Variants in ARHGAP35 observed in about 807,000 individuals in gnomAD.
ARHGAP35 encodes the protein Rho GTPase activating protein 35, also known as rho GTPase-activating protein 35.
Under a neutral mutation model 111.1 loss-of-function variants are expected in ARHGAP35, and 15 were observed. That is an observed-to-expected ratio of 0.13 (90% CI 0.09 to 0.21). ARHGAP35 has a LOEUF of 0.21. Ranked by LOEUF, ARHGAP35 falls within the 10% of genes least tolerant of loss-of-function variation. The pLI is 1.00. For missense variants in ARHGAP35, 1,262 were observed against 1,873.0 expected, an observed-to-expected ratio of 0.67 and a Z score of 6.02; for synonymous variants, 643 against 710.3, an observed-to-expected ratio of 0.91 and a Z score of 1.51.
At chr19:46,872,880 C>CTA (rs2055895295) in intron 1 of ARHGAP35, among the ~76,000 whole-genome samples, 1 of 127,216 alleles carries the variant, frequency 7.9e-6, no homozygotes, top group Non-Finnish European at 1.7e-5. Flanking sequence ...GACTCCGTCT[C>CTA]AAAAAAAAAA....
At chr19:46,958,683 A>G (rs1274982119) in intron 3 of ARHGAP35, among the ~76,000 whole-genome samples, 2 of 152,184 alleles carry the variant, frequency 1.3e-5, no homozygotes, top group Non-Finnish European at 2.9e-5. Flanking sequence ...TGCACACCAG[A>G]TGGGATCTGA....
intron 1 of ARHGAP35, among the ~76,000 whole-genome samples, chr19:46,867,557 C>T (rs2122854760): frequency 6.6e-6 from 1 of 152,312 alleles, no homozygotes; most frequent in African/African-American, 2.4e-5. Flanking sequence ...AGGGATTATA[C>T]TAGTTGGTTC....
At chr19:46,943,254 T>C (rs769567313) in intron 3 of ARHGAP35, among the ~76,000 whole-genome samples, 8 of 152,158 alleles carry the variant, frequency 5.3e-5, no homozygotes, top group Admixed American at 1.3e-4. Context: ...GTCCTCTTCA[T>C]GTAATGTGCT....
chr19:46,876,634 G>A (rs971064396), intron 1 of ARHGAP35, among the ~76,000 whole-genome samples: 15 of 151,694 alleles, frequency 9.9e-5, no homozygotes, highest in Non-Finnish European at 2.1e-4. Context: ...GCCTCCCAAA[G>A]TGCTGGGATT....
Position 46,999,239 on chromosome 19 carries a change from C to A in ARHGAP35, c.4037-65C>A. The stretch of plus-strand genomic sequence containing the variant: ...TCCTCAGAGAAGGCCCATCACAGAG[C>A]ACGCCCTGGGGTGGCCACCAGCCTC... On this transcript the variant is annotated intron_variant, in intron 5 of 6. Transcript: ENST00000672722. The surrounding 1 kb of genome is among the most constrained non-coding windows in gnomAD (Gnocchi z 5.4). 1 of 1,110,298 alleles carries A rather than the reference C, an allele frequency of 9.0e-7. No individual in the cohort carries two copies. Among genetic ancestry groups the A allele is most frequent in the Non-Finnish European group, 1.3e-6 (1 of 749,166 alleles). The allele number at this position is 1,110,298 out of a possible 1,614,324, so 68.8% of individuals were successfully genotyped here.
intron 1 of ARHGAP35, among the ~76,000 whole-genome samples, chr19:46,887,660 C>G (rs1298406964): frequency 2.0e-5 from 3 of 152,108 alleles, no homozygotes; most frequent in Admixed American, 6.6e-5. Flanking sequence ...ACTCAGTGCT[C>G]TAACCATGTG....
chr19:46,959,179 C>T (rs1183031331), intron 3 of ARHGAP35, among the ~76,000 whole-genome samples: 8 of 151,952 alleles, frequency 5.3e-5, no homozygotes, highest in African/African-American at 2.4e-5. Flanking sequence ...TTCCTGGGCT[C>T]GGGTGATTCT....
At chr19:46,971,752 C>G (rs1216661472) in intron 3 of ARHGAP35, among the ~76,000 whole-genome samples, 1 of 152,034 alleles carries the variant, frequency 6.6e-6, no homozygotes, top group African/African-American at 2.4e-5. Flanking sequence ...CCTGCCTTGG[C>G]CTCCCAAAGT....
chr19:46,970,824 G>C (rs537978483), intron 3 of ARHGAP35, among the ~76,000 whole-genome samples: 1 of 152,112 alleles, frequency 6.6e-6, no homozygotes, highest in Non-Finnish European at 1.5e-5. Flanking sequence ...AGGATGACTC[G>C]AAGTGGAATG....
At chr19:46,970,051 C>G (rs1296542723) in intron 3 of ARHGAP35, among the ~76,000 whole-genome samples, 1 of 152,152 alleles carries the variant, frequency 6.6e-6, no homozygotes, top group Non-Finnish European at 1.5e-5. Context: ...ATAGTAGGCA[C>G]TCGGGTATCT....
intron 5 of ARHGAP35, among the ~76,000 whole-genome samples, chr19:46,990,059 G>A (rs1475894882): frequency 6.6e-6 from 1 of 152,224 alleles, no homozygotes; most frequent in African/African-American, 2.4e-5. Context: ...AAGTGAGGCT[G>A]TGAATAGCCT....
chr19:46,887,171 T>C (rs188630969), intron 1 of ARHGAP35, among the ~76,000 whole-genome samples: 96 of 152,160 alleles, frequency 6.3e-4, no homozygotes, highest in African/African-American at 2.1e-3. Flanking sequence ...ACTGAAAGGA[T>C]ATATTTACCT....
chr19:46,972,240 A>C (rs1195018990), intron 3 of ARHGAP35, among the ~76,000 whole-genome samples: 1 of 151,620 alleles, frequency 6.6e-6, no homozygotes, highest in Non-Finnish European at 1.5e-5. Context: ...CAAAATCCTG[A>C]CCTCAGGTGA....
chr19:46,861,267 G>T (rs921708177), intron 1 of ARHGAP35, among the ~76,000 whole-genome samples, 58 bp downstream of exon 1: 8 of 151,352 alleles, frequency 5.3e-5, no homozygotes, highest in Admixed American at 3.9e-4. Context: ...CCCGCTGCGG[G>T]GTCCAGGGGG....
chr19:46,913,440 G>A (rs532616287), intron 1 of ARHGAP35, among the ~76,000 whole-genome samples: 2 of 152,034 alleles, frequency 1.3e-5, no homozygotes, highest in East Asian at 3.9e-4. Context: ...TGCCCTGAGT[G>A]TTTCATAGAG....
intron 1 of ARHGAP35, among the ~76,000 whole-genome samples, chr19:46,896,451 T>C (rs2056056702): frequency 6.6e-6 from 1 of 152,224 alleles, no homozygotes; most frequent in Non-Finnish European, 1.5e-5. Context: ...ATACAAAATA[T>C]TGTGGGAAAT....
intron 2 of ARHGAP35, among the ~76,000 whole-genome samples, chr19:46,934,157 A>G (rs962018191): frequency 1.3e-5 from 2 of 152,228 alleles, no homozygotes; most frequent in Non-Finnish European, 2.9e-5. Flanking sequence ...TAGAAGATGG[A>G]TGAATGTGAT....
At position 46,920,601 on chromosome 19, in the gene ARHGAP35, G is replaced by T; in HGVS notation, c.1926G>T (p.Gly642=). 1 of 1,614,010 alleles carries T rather than the reference G, an allele frequency of 6.2e-7. No homozygotes were observed. The highest frequency in any genetic ancestry group is 2.2e-5 in the East Asian group (1 of 44,890). Residue 642 remains glycine (G), a synonymous_variant, in exon 2 of 7, where the codon GGG becomes GGT. Coordinates refer to ENST00000672722, the MANE Select transcript of ARHGAP35 (RefSeq NM_004491.5). This position sits in a 1 kb window ranked among gnomAD's most constrained non-coding sequence, Gnocchi z 7.0. The part of the protein sequence containing the change: ...MYELSLRPIE[G]NVRLPVNSFQ... Reference sequence around the variant, plus strand: ...AGCTTTCCCTGAGGCCAATAGAGGGGAATGTCAGGCTTCCTGTGAACTCTT... The same window carrying T: ...AGCTTTCCCTGAGGCCAATAGAGGGTAATGTCAGGCTTCCTGTGAACTCTT...
intron 1 of ARHGAP35, among the ~76,000 whole-genome samples, chr19:46,895,457 G>A (rs1479887860): frequency 5.9e-5 from 9 of 152,124 alleles, no homozygotes; most frequent in East Asian, 1.9e-4. Flanking sequence ...GAGCCACCGC[G>A]CCCAGCCGGG....
Sources: allele counts gnomAD v4.1 joint callset (sites outside exome capture counted in the v4.1 genomes callset), GRCh38; gene constraint gnomAD v4.1.1; non-coding constraint Gnocchi (gnomAD v3.1); transcripts MANE v1.5; gene names NCBI Gene and HGNC (gene_info 2026-07-23, HGNC 2026-07-21).